SYTL2: variants seen among roughly 807,000 people sequenced by gnomAD.
The protein encoded by SYTL2 is synaptotagmin like 2.
In SYTL2, 165 loss-of-function variants were observed where a neutral mutation model predicts 198.7. The ratio of observed to expected loss-of-function variants is 0.83; its 90% confidence interval spans 0.73 to 0.94. The LOEUF (loss-of-function observed/expected upper bound fraction) is 0.94. Ranked by LOEUF, SYTL2 falls within the 40% of genes least tolerant of loss-of-function variation. The pLI is 0.00. For missense variants in SYTL2, 2,835 were observed against 2,582.8 expected (o/e 1.10, Z -2.12); for synonymous variants, 966 against 917.7 (o/e 1.05, Z -0.95).
chr11:85,744,100 G>T (rs1172537300), intron 4 of SYTL2, among the ~76,000 whole-genome samples: 1 of 152,098 alleles, frequency 6.6e-6, no homozygotes, highest in East Asian at 1.9e-4. Flanking sequence ...GGTGGCAAGT[G>T]GGGAGTCACC....
chr11:85,780,986 G>A (rs1031532827), intron 1 of SYTL2, among the ~76,000 whole-genome samples: 3 of 152,214 alleles, frequency 2.0e-5, no homozygotes, highest in Non-Finnish European at 4.4e-5. Context: ...TGCTTGGTAT[G>A]TGTGGGGAAA....
intron 2 of SYTL2, among the ~76,000 whole-genome samples, chr11:85,751,511 C>CCA (rs1327187495): frequency 6.6e-6 from 1 of 152,126 alleles, no homozygotes; most frequent in African/African-American, 2.4e-5. Context: ...ACCATCCTCT[C>CCA]CACACACACA....
intron 1 of SYTL2, among the ~76,000 whole-genome samples, chr11:85,769,088 G>C (rs2092303627): frequency 6.6e-6 from 1 of 152,064 alleles, no homozygotes; most frequent in Non-Finnish European, 1.5e-5. Flanking sequence ...GCCAAAAAAG[G>C]GCTGTGCAAA....
chr11:85,801,157 T>G (rs1008961953), intron 1 of SYTL2, among the ~76,000 whole-genome samples: 4 of 152,222 alleles, frequency 2.6e-5, no homozygotes, highest in African/African-American at 9.6e-5. Flanking sequence ...ACTCAACAGC[T>G]GCTAACCACA....
chr11:85,717,071 T>C (rs1221232724), intron 11 of SYTL2: 3 of 153,598 alleles, frequency 2.0e-5, no homozygotes, highest in African/African-American at 7.2e-5. Context: ...TAGGTCCAAA[T>C]AAGTTATAAA....
At chr11:85,770,564 T>C (rs754326901) in intron 1 of SYTL2, among the ~76,000 whole-genome samples, 22 of 152,238 alleles carry the variant, frequency 1.4e-4, no homozygotes, top group Non-Finnish European at 2.9e-4. Context: ...AAGTTCCCTA[T>C]CCAATCTTCT....
At chr11:85,753,297 C>A (rs893175183) in intron 2 of SYTL2, among the ~76,000 whole-genome samples, 1 of 152,196 alleles carries the variant, frequency 6.6e-6, no homozygotes, top group Admixed American at 6.5e-5. Flanking sequence ...ACCCTGATGT[C>A]TCCTTCACTG....
At chr11:85,822,570 A>C in the SYTL2 span, among the ~76,000 whole-genome samples, 4 of 152,326 alleles carry the variant, frequency 2.6e-5, no homozygotes, top group African/African-American at 7.2e-5. Context: ...GCTGCTGCTA[A>C]GTTCCACTCC....
upstream of SYTL2, among the ~76,000 whole-genome samples, chr11:85,811,470 G>T (rs887382723): frequency 1.3e-5 from 2 of 152,154 alleles, no homozygotes; most frequent in African/African-American, 4.8e-5. Context: ...CGCGTTAGGG[G>T]GCCTTGGAGC....
intron 15 of SYTL2, among the ~76,000 whole-genome samples, chr11:85,705,646 C>A (rs2085017154): frequency 6.6e-6 from 1 of 152,198 alleles, no homozygotes. Context: ...CAAATGTAGT[C>A]AATCTTTAAT....
the SYTL2 span, among the ~76,000 whole-genome samples, chr11:85,824,073 C>T: frequency 1.3e-5 from 2 of 152,118 alleles, no homozygotes; most frequent in Non-Finnish European, 1.5e-5. Flanking sequence ...TGTCTGAGTG[C>T]GGGTGAGTGC....
At chr11:85,747,032 T>C (rs2091199199) in intron 3 of SYTL2, among the ~76,000 whole-genome samples, 1 of 152,196 alleles carries the variant, frequency 6.6e-6, no homozygotes, top group African/African-American at 2.4e-5. Context: ...CAAAAGATGA[T>C]GGCTATTTTC....
At chr11:85,738,821 C>T (rs2090563902) in intron 4 of SYTL2, among the ~76,000 whole-genome samples, 1 of 152,144 alleles carries the variant, frequency 6.6e-6, no homozygotes, top group African/African-American at 2.4e-5. Flanking sequence ...TTGGGGGTCT[C>T]TGTGGAACAC....
intron 1 of SYTL2, among the ~76,000 whole-genome samples, chr11:85,760,418 T>C (rs780471951): frequency 5.3e-5 from 8 of 152,232 alleles, no homozygotes; most frequent in Non-Finnish European, 1.0e-4. Context: ...AGTCTCTGAA[T>C]GTGAACAAAT....
Position 85,725,938 on chromosome 11 carries a change from A to C in SYTL2, c.3420T>G (p.Leu1140=). Residue 1140 remains leucine (L), a synonymous_variant, in exon 8 of 20, where the codon CTT becomes CTG. Transcript: ENST00000359152. ...DTFNDSLQKL[L]SETSTPAIQP... ...GAATTGCTGGTGTTGAGGTTTCTGAAAGCAGTTTCTGCAAGCTGTCATTAA... is the reference window on the plus strand; with the variant it reads ...GAATTGCTGGTGTTGAGGTTTCTGACAGCAGTTTCTGCAAGCTGTCATTAA... The C allele has an allele frequency of 6.2e-7, 1 of 1,614,184 alleles. No homozygotes were observed. Among genetic ancestry groups the C allele is most frequent in the African/African-American group, 1.3e-5 (1 of 75,068 alleles).
rs755445583 is a variant in SYTL2, at chr11:85,727,234, T to C, written c.2124A>G (p.Gly708=). Residue 708 remains glycine, a synonymous_variant, in exon 8 of 20, where the codon GGA becomes GGG. Coordinates refer to ENST00000359152, the MANE Select transcript of SYTL2 (RefSeq NM_206927.4). ...PKFHAHEENR[G]HSEVNFDSST... ...AAGAGTCAAAATTCACTTCTGAGTG[T>C]CCTCTATTTTCTTCATGAGCATGAA... 5 of 1,535,798 alleles carry C rather than the reference T, an allele frequency of 3.3e-6. No homozygotes were observed. Among genetic ancestry groups the C allele is most frequent in the Admixed American group, 2.0e-5 (1 of 50,906 alleles).
At chr11:85,847,947 C>T in the SYTL2 span, among the ~76,000 whole-genome samples, 2 of 152,112 alleles carry the variant, frequency 1.3e-5, no homozygotes, top group Non-Finnish European at 1.5e-5. Flanking sequence ...AAAGAACAGC[C>T]TGGGCATGGT....
In SYTL2 at chr11:85,725,225, C is replaced by A; in HGVS notation, c.4133G>T (p.Cys1378Phe). 1.2e-6 allele frequency: 2 copies of A among 1,614,198 alleles called. No individual in the cohort carries two copies. The highest frequency in any genetic ancestry group is 4.5e-5 in the East Asian group (2 of 44,880). ...NDVSAALQKLCGEVWLSYPAG... is the reference protein window; with the variant it reads ...NDVSAALQKLFGEVWLSYPAG... Reference sequence around the variant, plus strand: ...TGGATAACTTAACCATACTTCTCCACACAGCTTCTGTAATGCAGCACTTAC... The same window carrying A: ...TGGATAACTTAACCATACTTCTCCAAACAGCTTCTGTAATGCAGCACTTAC... The change falls in exon 8 of 20, where the codon TGT becomes TTT. Residue 1378 changes from cysteine to phenylalanine, a missense_variant. This residue lies in a region of SYTL2 where 2,645 missense variants were observed against 2,381.7 expected (regional missense o/e 1.11). Transcript: ENST00000359152.
chr11:85,808,512 G>A (rs930804722), intron 1 of SYTL2, among the ~76,000 whole-genome samples: 1 of 151,990 alleles, frequency 6.6e-6, no homozygotes, highest in African/African-American at 2.4e-5. Flanking sequence ...TCTCCCCAGG[G>A]ACTAGAGAAG....
Sources: allele counts gnomAD v4.1 joint callset (sites outside exome capture counted in the v4.1 genomes callset), GRCh38; gene constraint gnomAD v4.1.1; regional missense constraint gnomAD v4.1.1; transcripts MANE v1.5; gene names NCBI Gene and HGNC (gene_info 2026-07-23, HGNC 2026-07-21).